The following TRIM36 variants were observed in gnomAD, a reference collection of about 807,000 sequenced individuals.
TRIM36 encodes the protein E3 ubiquitin-protein ligase TRIM36.
In TRIM36, 42 loss-of-function variants were observed where a neutral mutation model predicts 72.4. The ratio of observed to expected loss-of-function variants is 0.58; its 90% CI spans 0.45 to 0.75. The LOEUF (loss-of-function observed/expected upper bound fraction) is 0.75. Ranked by LOEUF, TRIM36 falls within the 30% of genes least tolerant of loss-of-function variation. The pLI is 0.00. For synonymous variants in TRIM36, 315 were observed against 282.8 expected, an observed-to-expected ratio of 1.11 and a Z score of -1.14; for missense variants, 913 against 857.1, an observed-to-expected ratio of 1.07 and a Z score of -0.81.
intron 6 of TRIM36, 107 bp from the exon 7 acceptor site, chr5:115,137,231 A>G: frequency 6.8e-7 from 1 of 1,474,554 alleles, no homozygotes; most frequent in Non-Finnish European, 9.0e-7. Context: ...TCAAAATTAA[A>G]GTTAAGAATG....
intron 8 of TRIM36, among the ~76,000 whole-genome samples, chr5:115,132,982 A>C (rs1752769814): frequency 6.6e-6 from 1 of 152,220 alleles, no homozygotes; most frequent in Non-Finnish European, 1.5e-5. Flanking sequence ...CCAATTTTTT[A>C]AAAGCTACAA....
At chr5:115,171,370 G>T, upstream of TRIM36, 1 of 1,172,780 alleles carries the variant, frequency 8.5e-7, no homozygotes, top group Non-Finnish European at 1.2e-6. Context: ...ATTAATGCCC[G>T]TTGCGTGGCC....
intron 2 of TRIM36, among the ~76,000 whole-genome samples, chr5:115,150,481 A>G (rs1390492465): frequency 6.6e-6 from 1 of 152,218 alleles, no homozygotes; most frequent in Non-Finnish European, 1.5e-5. Context: ...GTATTGCTCA[A>G]TTGCATTAGA....
In TRIM36 at chr5:115,134,069, T is replaced by C. The variant is rs372440600; in HGVS notation, c.1289A>G (p.Lys430Arg). Residue 430 changes from lysine to arginine, a missense_variant, in exon 8 of 10, where the codon AAG becomes AGG. Coordinates refer to ENST00000513154, the MANE Select transcript of TRIM36 (RefSeq NM_001300759.2). ...AAGAACATAGCTATCAGCTTTATCC[T>C]TTTCTGGATGGTGCCAATTTATCAA... ...NALINWHHPE[K>R]DKADSYVLEY... 4 of 1,612,872 alleles carry C rather than the reference T, an allele frequency of 2.5e-6. No homozygotes were observed. Among genetic ancestry groups the C allele is most frequent in the Non-Finnish European group, 2.5e-6 (3 of 1,179,516 alleles).
At chr5:115,179,512 G>A (rs1438429681) in intron 1 of TRIM36, among the ~76,000 whole-genome samples, 1 of 152,254 alleles carries the variant, frequency 6.6e-6, no homozygotes, top group Non-Finnish European at 1.5e-5. Context: ...CTCTGACTGC[G>A]GGCTGACCCT....
At chr5:115,163,912 T>G (rs756313247) in intron 1 of TRIM36, among the ~76,000 whole-genome samples, 160 bp from the exon 2 acceptor site, 7 of 152,124 alleles carry the variant, frequency 4.6e-5, no homozygotes, top group Non-Finnish European at 1.0e-4. Flanking sequence ...TTTGATACCA[T>G]CAACTGCCCT....
chr5:115,130,477 A>G, intron 9 of TRIM36, 115 bp downstream of exon 9: 1 of 1,245,988 alleles, frequency 8.0e-7, no homozygotes, highest in Non-Finnish European at 1.1e-6. Context: ...AGCCACAGCC[A>G]AAATACTAGA....
At chr5:115,166,180 C>CT (rs1754765720) in intron 1 of TRIM36, among the ~76,000 whole-genome samples, 1 of 152,158 alleles carries the variant, frequency 6.6e-6, no homozygotes, top group African/African-American at 2.4e-5. Flanking sequence ...AGCCTGAAGC[C>CT]TAGGGTCCAG....
rs756150558 is a variant in TRIM36, at chr5:115,169,568, C to A, written c.27+40G>T. On this transcript the variant is annotated intron_variant, in intron 1 of 9. Coordinates refer to ENST00000513154, the MANE Select transcript of TRIM36 (RefSeq NM_001300759.2). ...AAGAGAAAGAGCCGCGGTCGGCACA[C>A]CGCCCTCGAGGTGGGGGCGGCGGTC... The A allele has an allele frequency of 9.3e-6, 14 of 1,498,996 alleles. No homozygotes were observed. In the South Asian group the frequency reaches 1.5e-4, roughly 16 times the overall value. 92.9% of individuals were successfully genotyped at this position (1,498,996 alleles called of 1,614,324 possible). A position where few individuals can be genotyped will look rare whatever the true frequency, so the allele number is the denominator to read the frequency against.
intron 1 of TRIM36, among the ~76,000 whole-genome samples, chr5:115,166,248 T>C (rs1754769235): frequency 6.6e-6 from 1 of 152,180 alleles, no homozygotes; most frequent in East Asian, 1.9e-4. Flanking sequence ...GGCCCACCCA[T>C]GGCCACCCAT....
At chr5:115,175,968 T>C (rs1035677916) in intron 1 of TRIM36, among the ~76,000 whole-genome samples, 1 of 152,004 alleles carries the variant, frequency 6.6e-6, no homozygotes, top group Non-Finnish European at 1.5e-5. Flanking sequence ...CTACTAATAA[T>C]ACAAAAAATT....
At chr5:115,177,457 T>C in intron 1 of TRIM36, 1 of 1,073,004 alleles carries the variant, frequency 9.3e-7, no homozygotes, top group Non-Finnish European at 1.2e-6. Context: ...CAGTTTCCCA[T>C]TATTCTTTAC....
At chr5:115,150,938 G>A (rs1053100432) in intron 2 of TRIM36, among the ~76,000 whole-genome samples, 2 of 152,188 alleles carry the variant, frequency 1.3e-5, no homozygotes, top group Admixed American at 6.5e-5. Flanking sequence ...GGGTCCTTCC[G>A]GAGAACGGCC....
intron 2 of TRIM36, among the ~76,000 whole-genome samples, chr5:115,161,025 C>T (rs986181466): frequency 2.0e-5 from 3 of 152,174 alleles, no homozygotes; most frequent in Admixed American, 1.3e-4. Flanking sequence ...AAGGACAATC[C>T]TAAAATTTGC....
intron 4 of TRIM36, among the ~76,000 whole-genome samples, chr5:115,142,916 A>C (rs1396590071): frequency 1.3e-5 from 2 of 152,180 alleles, no homozygotes; most frequent in Non-Finnish European, 2.9e-5. Flanking sequence ...CTCAAACACT[A>C]GTGTATATCA....
intron 1 of TRIM36, among the ~76,000 whole-genome samples, chr5:115,179,117 G>C (rs1470429460): frequency 6.6e-6 from 1 of 152,178 alleles, no homozygotes; most frequent in Non-Finnish European, 1.5e-5. Flanking sequence ...CCTTCTCTCC[G>C]TCTGCGAGTT....
At chr5:115,170,079 T>C, upstream of TRIM36, 1 of 668,218 alleles carries the variant, frequency 1.5e-6, no homozygotes, top group Non-Finnish European at 1.9e-6. Context: ...CGGCTGGGCG[T>C]GGGTGTGGCA....
Position 115,125,209 on chromosome 5 carries a change from T to G in TRIM36, c.*1294A>C, listed in dbSNP as rs1383456256. 1.3e-5 allele frequency: 2 copies of G among 152,098 alleles called. No homozygotes were observed. Among genetic ancestry groups the G allele is most frequent in the African/African-American group, 4.8e-5 (2 of 41,454 alleles). The allele number at this position is 152,098 out of a possible 1,614,324, so 9.4% of individuals were successfully genotyped here. On this transcript the variant is annotated 3_prime_UTR_variant, in exon 10 of 10. Coordinates refer to ENST00000513154, the MANE Select transcript of TRIM36 (RefSeq NM_001300759.2). ...CATGTCAAAAGCATTCCATAAATGA[T>G]TACTGCTACAATGCATAAAAGTAGT...
chr5:115,177,610 C>A (rs1580720237), intron 1 of TRIM36: 6 of 1,498,718 alleles, frequency 4.0e-6, no homozygotes, highest in Non-Finnish European at 4.4e-6. Flanking sequence ...CTTAAATGGG[C>A]TAGTGCTGGG....
Sources: allele counts gnomAD v4.1 joint callset (sites outside exome capture counted in the v4.1 genomes callset), GRCh38; gene constraint gnomAD v4.1.1; transcripts MANE v1.5; gene names NCBI Gene and HGNC (gene_info 2026-07-23, HGNC 2026-07-21).